The following CELF2 variants were observed in gnomAD, a reference collection of about 807,000 sequenced individuals.
CELF2 encodes CUG triplet repeat RNA-binding protein 2.
In CELF2, 8 loss-of-function variants were observed where a neutral mutation model predicts 62.6. The observed-to-expected ratio is 0.13, with a 90% CI of 0.07 to 0.23. The LOEUF (loss-of-function observed/expected upper bound fraction) is 0.23, where lower values mean the gene tolerates loss of function less well. CELF2 is among the 10% of genes least tolerant of loss of function. CELF2 has a pLI of 1.00. For synonymous variants in CELF2, 258 were observed against 250.0 expected (o/e 1.03, Z -0.30); for missense variants, 333 against 671.0 (o/e 0.50, Z 5.56).
At chr10:11,322,732 G>A (rs1591548461) in intron 11 of CELF2, among the ~76,000 whole-genome samples, 1 of 151,986 alleles carries the variant, frequency 6.6e-6, no homozygotes, top group East Asian at 1.9e-4. Context: ...GAAAGTCTAA[G>A]TTACTTTTCA....
At chr10:10,596,536 G>A in the CELF2 span, among the ~76,000 whole-genome samples, 2 of 152,180 alleles carry the variant, frequency 1.3e-5, no homozygotes, top group East Asian at 3.9e-4. Context: ...ACCATAGGTG[G>A]CCTAGGAGTA....
At chr10:10,977,078 A>G (rs1215175913) in intron 2 of CELF2, among the ~76,000 whole-genome samples, 1 of 151,212 alleles carries the variant, frequency 6.6e-6, no homozygotes, top group East Asian at 1.9e-4. Context: ...CCTGATTTAG[A>G]CCAATTCTTG....
the CELF2 span, among the ~76,000 whole-genome samples, chr10:10,659,894 A>G: frequency 6.6e-6 from 1 of 152,344 alleles, no homozygotes; most frequent in African/African-American, 2.4e-5. Flanking sequence ...GGGATTATCC[A>G]GATGCCCTCA....
chr10:10,732,806 G>T, the CELF2 span, among the ~76,000 whole-genome samples: 1 of 151,978 alleles, frequency 6.6e-6, no homozygotes. Flanking sequence ...TTACAGGCGT[G>T]AGCCACCACG....
the CELF2 span, among the ~76,000 whole-genome samples, chr10:10,515,250 T>C: frequency 2.0e-5 from 3 of 152,212 alleles, no homozygotes; most frequent in Non-Finnish European, 4.4e-5. Flanking sequence ...ATTCTGTATG[T>C]GTAATGAAGC....
intron 2 of CELF2, among the ~76,000 whole-genome samples, chr10:11,183,119 G>T (rs1315878173): frequency 6.6e-6 from 1 of 152,144 alleles, no homozygotes; most frequent in Non-Finnish European, 1.5e-5. Flanking sequence ...ATGCACCTTG[G>T]CAGTCCCTTC....
the CELF2 span, among the ~76,000 whole-genome samples, chr10:10,738,586 A>G: frequency 2.0e-5 from 3 of 152,214 alleles, no homozygotes; most frequent in Non-Finnish European, 4.4e-5. Flanking sequence ...TTGACCAATA[A>G]AAGTTGTATA....
At chr10:11,002,672 A>G (rs181254814), upstream of CELF2, among the ~76,000 whole-genome samples, 3 of 152,278 alleles carry the variant, frequency 2.0e-5, no homozygotes, top group East Asian at 3.9e-4. This position sits in a 1 kb window ranked among gnomAD's most constrained non-coding sequence, Gnocchi z 4.4. Context: ...CCTGCCCACT[A>G]TGTTGTCATG....
At chr10:11,148,857 C>G (rs1596179922) in intron 1 of CELF2, among the ~76,000 whole-genome samples, 3 of 151,572 alleles carry the variant, frequency 2.0e-5, no homozygotes, top group East Asian at 3.9e-4. Flanking sequence ...CACACACACA[C>G]ACACACACAC....
At chr10:11,045,195 C>A (rs189872357) in intron 1 of CELF2, among the ~76,000 whole-genome samples, 1 of 152,258 alleles carries the variant, frequency 6.6e-6, no homozygotes, top group Admixed American at 6.5e-5. Context: ...GTTGCCCAGG[C>A]TGGAGTGCAG....
Position 11,214,114 on chromosome 10 carries a change from A to C in CELF2, c.272-3311A>C, listed in dbSNP as rs546992772. 6.6e-6 allele frequency among the ~76,000 whole-genome samples: 1 copy of C among 152,044 alleles called. No homozygotes were observed. Among genetic ancestry groups the C allele is most frequent in the African/African-American group, 2.4e-5 (1 of 41,388 alleles). ...GCCTGGGCAACATAGTGGGACCCCTATCTCTACAAAAATGTAAAAAGTAGT... is the reference window on the plus strand; with the variant it reads ...GCCTGGGCAACATAGTGGGACCCCTCTCTCTACAAAAATGTAAAAAGTAGT... On this transcript the variant is annotated intron_variant, in intron 2 of 12. Transcript: ENST00000633077. This position sits in a 1 kb window ranked among gnomAD's most constrained non-coding sequence, Gnocchi z 4.2.
chr10:10,576,455 G>A, the CELF2 span, among the ~76,000 whole-genome samples: 85 of 152,084 alleles, frequency 5.6e-4, no homozygotes, highest in African/African-American at 1.8e-3. Context: ...TGCTTCTAAC[G>A]TATTAGTTAA....
At chr10:11,083,677 A>G (rs906317918) in intron 1 of CELF2, among the ~76,000 whole-genome samples, 8 of 151,988 alleles carry the variant, frequency 5.3e-5, no homozygotes, top group African/African-American at 1.9e-4. Flanking sequence ...GCCCCATCTC[A>G]CCGAGTTGAG....
At chr10:11,140,365 C>G (rs1228488300) in intron 1 of CELF2, among the ~76,000 whole-genome samples, 2 of 152,084 alleles carry the variant, frequency 1.3e-5, no homozygotes, top group Non-Finnish European at 2.9e-5. Flanking sequence ...CTCACCCTCC[C>G]AGGTAGCTGG....
chr10:11,285,862 TGTGTGTGTGTGTGTG>T lies in CELF2; in HGVS notation c.842-2555_842-2541del, dbSNP rs2091110954. Among the ~76,000 whole-genome samples, 1 of 143,318 alleles carries T rather than the reference TGTGTGTGTGTGTGTG, an allele frequency of 7.0e-6. No individual in the cohort carries two copies. Among genetic ancestry groups the T allele is most frequent in the Non-Finnish European group, 1.5e-5 (1 of 67,266 alleles). The allele number at this position is 143,318 out of a possible 152,430, so 94.0% of individuals were successfully genotyped here. ...GTGTGTGTGTGTGTGTGTGTGTGTG[TGTGTGTGTGTGTGTG>T]TTTTTACATGGACTTGAAAATGAGT... On this transcript the variant is annotated intron_variant, in intron 8 of 12. Coordinates refer to ENST00000633077, the MANE Select transcript of CELF2 (RefSeq NM_001326342.2). The surrounding 1 kb of genome is among the most constrained non-coding windows in gnomAD (Gnocchi z 4.3).
chr10:11,182,718 C>T (rs2073812678), intron 2 of CELF2, among the ~76,000 whole-genome samples: 1 of 152,226 alleles, frequency 6.6e-6, no homozygotes, highest in South Asian at 2.1e-4. Context: ...GACATTCTGC[C>T]AGCATACAGC....
chr10:11,046,322 G>GA lies in CELF2; in HGVS notation c.74+28163dup, dbSNP rs1355321349. ...GATGCCCGTGTCAATGTGCCGGTCA[G>GA]AAAATCACAGATTGCCAACTGCTGC... On this transcript the variant is annotated intron_variant, in intron 1 of 12. Transcript: ENST00000633077. The surrounding 1 kb of genome is among the most constrained non-coding windows in gnomAD (Gnocchi z 4.6). 2.6e-5 allele frequency among the ~76,000 whole-genome samples: 4 copies of GA among 152,202 alleles called. No homozygotes were observed. The highest frequency in any genetic ancestry group is 4.4e-5 in the Non-Finnish European group (3 of 68,036).
At chr10:11,018,493 G>A (rs532775375) in intron 1 of CELF2, among the ~76,000 whole-genome samples, 1 of 151,462 alleles carries the variant, frequency 6.6e-6, no homozygotes, top group African/African-American at 2.4e-5. Context: ...GGGGACGGGC[G>A]GGGTCCACCG....
At chr10:11,245,329 A>G (rs367762127) in intron 3 of CELF2, among the ~76,000 whole-genome samples, 6 of 152,346 alleles carry the variant, frequency 3.9e-5, no homozygotes, top group African/African-American at 1.4e-4. Flanking sequence ...TACATCTTGT[A>G]TGTGATCAGA....
Sources: gnomAD v4.1 joint callset for allele counts (sites outside exome capture counted in the v4.1 genomes callset) on GRCh38, gnomAD v4.1.1 for gene constraint, Gnocchi (gnomAD v3.1) non-coding constraint, MANE v1.5 for transcripts, NCBI Gene and HGNC (gene_info 2026-07-23, HGNC 2026-07-21) for gene names.